WWOX: variants seen among roughly 807,000 people sequenced by gnomAD.
WWOX encodes the protein WW domain containing oxidoreductase, also known as WW domain-containing oxidoreductase.
A neutral mutation model predicts 46.2 loss-of-function variants in WWOX; 69 were observed. The ratio of observed to expected loss-of-function variants is 1.49; its 90% CI spans 1.23 to 1.82. The LOEUF is 1.82. WWOX is among the 40% of genes most tolerant of loss of function. The probability of loss-of-function intolerance (pLI) is 0.00; values close to 1 mark genes in which losing one functional copy is unlikely to be tolerated. For synonymous variants in WWOX, 359 were observed against 202.6 expected (o/e 1.77, Z -6.56); for missense variants, 919 against 542.6 (o/e 1.69, Z -6.89).
At chr16:78,512,101 A>G (rs376154255) in intron 8 of WWOX, among the ~76,000 whole-genome samples, 5 of 152,366 alleles carry the variant, frequency 3.3e-5, no homozygotes, top group African/African-American at 9.6e-5. Context: ...TGCAACTTGC[A>G]CTTAATTTTA....
chr16:79,180,089 G>C (rs1329998044), intron 8 of WWOX, among the ~76,000 whole-genome samples: 1 of 152,018 alleles, frequency 6.6e-6, no homozygotes, highest in Non-Finnish European at 1.5e-5. Context: ...CTTTTGCCCA[G>C]TTCAACAAGA....
At chr16:78,478,240 C>A (rs2084399967) in intron 8 of WWOX, among the ~76,000 whole-genome samples, 1 of 152,134 alleles carries the variant, frequency 6.6e-6, no homozygotes. Context: ...TTACAAAATA[C>A]TGTATTTATG....
At chr16:78,927,434 T>G (rs2045524333) in intron 8 of WWOX, among the ~76,000 whole-genome samples, 1 of 152,178 alleles carries the variant, frequency 6.6e-6, no homozygotes, top group Non-Finnish European at 1.5e-5. Context: ...TGTCTACATG[T>G]TTGTTTGTAA....
intron 8 of WWOX, among the ~76,000 whole-genome samples, chr16:78,729,386 A>G (rs750593233): frequency 6.6e-6 from 1 of 151,964 alleles, no homozygotes; most frequent in Non-Finnish European, 1.5e-5. Flanking sequence ...ATATATATGC[A>G]TGCACATCCT....
At chr16:78,353,872 G>C (rs900292386) in intron 5 of WWOX, among the ~76,000 whole-genome samples, 3 of 152,192 alleles carry the variant, frequency 2.0e-5, no homozygotes, top group Non-Finnish European at 4.4e-5. Flanking sequence ...GTGGTGCCGA[G>C]TTGTCAGGAT....
chr16:78,694,212 CA>C lies in WWOX; in HGVS notation c.1056+261466del, dbSNP rs2048051369. Among the ~76,000 whole-genome samples the C allele has an allele frequency of 2.0e-5, 3 of 152,126 alleles. No homozygotes were observed. In the South Asian group the frequency reaches 6.2e-4, roughly 32 times the overall value. ...TGGGCAACAGAGAGAAACTGTGTCTCAAAAAATAAAATAAAATAAAATGGAT... is the reference window on the plus strand; with the variant it reads ...TGGGCAACAGAGAGAAACTGTGTCTCAAAAATAAAATAAAATAAAATGGAT... On this transcript the variant is annotated intron_variant, in intron 8 of 8. Coordinates refer to ENST00000566780, the MANE Select transcript of WWOX (RefSeq NM_016373.4).
At chr16:79,124,124 G>C (rs2049699211) in intron 8 of WWOX, among the ~76,000 whole-genome samples, 1 of 152,162 alleles carries the variant, frequency 6.6e-6, no homozygotes, top group Non-Finnish European at 1.5e-5. Context: ...GCCTCAAGTT[G>C]ATTTTATAAA....
At chr16:78,568,360 C>T (rs971079274) in intron 8 of WWOX, among the ~76,000 whole-genome samples, 7 of 151,964 alleles carry the variant, frequency 4.6e-5, no homozygotes, top group South Asian at 2.1e-4. Flanking sequence ...GTGCAAGAAC[C>T]GTGGCAGTAC....
At chr16:78,474,030 A>T (rs548472317) in intron 8 of WWOX, among the ~76,000 whole-genome samples, 5 of 152,328 alleles carry the variant, frequency 3.3e-5, no homozygotes, top group East Asian at 1.9e-4. Flanking sequence ...CAGAGATTTA[A>T]ATGTGATAAT....
At chr16:78,624,853 A>G (rs1430574085) in intron 8 of WWOX, among the ~76,000 whole-genome samples, 3 of 152,232 alleles carry the variant, frequency 2.0e-5, no homozygotes, top group African/African-American at 4.8e-5. Context: ...CAGATATCGT[A>G]TGAACATGAT....
chr16:79,080,014 C>T (rs1432583630), intron 8 of WWOX, among the ~76,000 whole-genome samples: 1 of 152,056 alleles, frequency 6.6e-6, no homozygotes, highest in Non-Finnish European at 1.5e-5. Flanking sequence ...CTTACGATAC[C>T]ACGCACTGCT....
intron 8 of WWOX, among the ~76,000 whole-genome samples, chr16:79,068,818 C>A (rs201003372): frequency 3.2e-5 from 3 of 94,310 alleles, no homozygotes; most frequent in African/African-American, 1.2e-4. Flanking sequence ...CTCAAAAAAA[C>A]CCAATAATAA....
intron 6 of WWOX, among the ~76,000 whole-genome samples, chr16:78,401,365 A>G (rs965665522): frequency 6.6e-6 from 1 of 152,244 alleles, no homozygotes; most frequent in East Asian, 1.9e-4. Context: ...TCAGATATTG[A>G]GAATAAATTC....
chr16:78,731,206 A>G (rs953509178), intron 8 of WWOX, among the ~76,000 whole-genome samples: 3 of 152,124 alleles, frequency 2.0e-5, no homozygotes, highest in South Asian at 2.1e-4. Flanking sequence ...CATTATCTGT[A>G]TTAATTAAAG....
chr16:78,460,820 GT>G (rs2083930915), intron 8 of WWOX, among the ~76,000 whole-genome samples: 1 of 152,228 alleles, frequency 6.6e-6, no homozygotes, highest in Non-Finnish European at 1.5e-5. Context: ...CTCTATTTCA[GT>G]TGAGTTTTTA....
intron 1 of WWOX, among the ~76,000 whole-genome samples, chr16:78,103,624 A>G (rs1216158225): frequency 6.6e-6 from 1 of 151,788 alleles, no homozygotes; most frequent in Admixed American, 6.6e-5. Context: ...TTTTCTTTTC[A>G]GTTTTAATTT....
At chr16:79,189,380 C>G (rs2051083634) in intron 8 of WWOX, among the ~76,000 whole-genome samples, 1 of 151,896 alleles carries the variant, frequency 6.6e-6, no homozygotes, top group South Asian at 2.1e-4. Context: ...GTCTCAGCCT[C>G]CCGAGTAGCT....
intron 8 of WWOX, among the ~76,000 whole-genome samples, chr16:78,593,796 A>G (rs2151606154): frequency 6.6e-6 from 1 of 152,242 alleles, no homozygotes; most frequent in East Asian, 1.9e-4. Context: ...TAGAGATGAA[A>G]CAAAGATAGA....
intron 8 of WWOX, among the ~76,000 whole-genome samples, chr16:79,103,906 A>C (rs1307566158): frequency 6.6e-6 from 1 of 151,988 alleles, no homozygotes; most frequent in African/African-American, 2.4e-5. Context: ...TCCTTCAGGC[A>C]AAGAGCTCCT....
Sources: gnomAD v4.1 joint callset for allele counts (sites outside exome capture counted in the v4.1 genomes callset) on GRCh38, gnomAD v4.1.1 for gene constraint, MANE v1.5 for transcripts, NCBI Gene and HGNC (gene_info 2026-07-23, HGNC 2026-07-21) for gene names.